The following TBCA variants were observed in gnomAD, a reference collection of about 807,000 sequenced individuals.
TBCA encodes the protein tubulin-specific chaperone A.
Under a neutral mutation model 15.8 loss-of-function variants are expected in TBCA, and 6 were observed. The observed-to-expected ratio is 0.38, with a 90% confidence interval of 0.21 to 0.75. TBCA has a LOEUF of 0.75. TBCA is among the 30% of genes least tolerant of loss of function. The pLI, the probability that TBCA is intolerant of heterozygous loss-of-function variation, is 0.46. For synonymous variants in TBCA, 32 were observed against 42.3 expected, an observed-to-expected ratio of 0.76 and a Z score of 0.94; for missense variants, 90 against 131.2, an observed-to-expected ratio of 0.69 and a Z score of 1.53.
At chr5:77,692,442 A>G (rs1173844868) in intron 3 of TBCA, 1 of 949,016 alleles carries the variant, frequency 1.1e-6, no homozygotes, top group Non-Finnish European at 1.3e-6. Flanking sequence ...ATACATTATT[A>G]TTATTATTAT....
chr5:77,774,495 C>T (rs1363120788), intron 1 of TBCA, among the ~76,000 whole-genome samples: 2 of 152,136 alleles, frequency 1.3e-5, no homozygotes, highest in Non-Finnish European at 2.9e-5. Context: ...TTATTTTAAC[C>T]CAGACACACT....
intron 2 of TBCA, among the ~76,000 whole-genome samples, chr5:77,698,529 C>T (rs1745927148): frequency 6.6e-6 from 1 of 152,162 alleles, no homozygotes; most frequent in African/African-American, 2.4e-5. Context: ...AAAGTTCCTA[C>T]AAAAGAGCTC....
intron 2 of TBCA, among the ~76,000 whole-genome samples, chr5:77,704,098 C>T (rs1746089558): frequency 1.3e-5 from 2 of 152,096 alleles, no homozygotes; most frequent in South Asian, 4.1e-4. Flanking sequence ...GTCAAGTAAA[C>T]CTTTTTTCTT....
intron 1 of TBCA, among the ~76,000 whole-genome samples, chr5:77,751,971 C>G (rs1254452270): frequency 1.3e-5 from 2 of 152,078 alleles, no homozygotes; most frequent in Non-Finnish European, 2.9e-5. Flanking sequence ...GTTTATTGAT[C>G]TGGGTGGTAC....
intron 1 of TBCA, among the ~76,000 whole-genome samples, chr5:77,761,216 A>T (rs1747626937): frequency 6.6e-6 from 1 of 151,940 alleles, no homozygotes; most frequent in East Asian, 1.9e-4. Context: ...TGGGGAAAAG[A>T]AAGAGAGATC....
At chr5:77,756,180 T>C (rs948940784) in intron 1 of TBCA, among the ~76,000 whole-genome samples, 1 of 152,166 alleles carries the variant, frequency 6.6e-6, no homozygotes, top group Non-Finnish European at 1.5e-5. Flanking sequence ...TGGGGAGGAC[T>C]CAACAGTGTG....
At chr5:77,699,015 T>A (rs1330649921) in intron 2 of TBCA, among the ~76,000 whole-genome samples, 1 of 47,068 alleles carries the variant, frequency 2.1e-5, no homozygotes. Flanking sequence ...CTAAAAACAA[T>A]ACCATTTGCA....
chr5:77,741,531 CTT>C (rs1371091529), intron 1 of TBCA, among the ~76,000 whole-genome samples: 1 of 151,868 alleles, frequency 6.6e-6, no homozygotes, highest in Non-Finnish European at 1.5e-5. Flanking sequence ...CCATGGAAGA[CTT>C]CAAGAAAGAA....
At chr5:77,748,001 C>A (rs1407473854) in intron 1 of TBCA, among the ~76,000 whole-genome samples, 1 of 152,112 alleles carries the variant, frequency 6.6e-6, no homozygotes, top group Non-Finnish European at 1.5e-5. Context: ...TAAAGCAATT[C>A]ATATGCAAAG....
chr5:77,703,091 A>G (rs188213329), intron 2 of TBCA, among the ~76,000 whole-genome samples: 1 of 152,354 alleles, frequency 6.6e-6, no homozygotes, highest in Admixed American at 6.5e-5. Flanking sequence ...CTTGTTTCAA[A>G]GAGTAAAAAA....
At position 77,699,033 on chromosome 5, in the gene TBCA, C is replaced by CAAAAAA. The variant is rs71608119; in HGVS notation, c.160-5687_160-5682dup. Reference sequence around the variant, plus strand: ...AAAACAATACCATTTGCAAGAGCATCAAAAAAAAAAAAAAAAAAAAAAAAA... The same window carrying CAAAAAA: ...AAAACAATACCATTTGCAAGAGCATCAAAAAAAAAAAAAAAAAAAAAAAAAAAAAAA... On this transcript the variant is annotated intron_variant, in intron 2 of 3. Coordinates refer to ENST00000380377, the MANE Select transcript of TBCA (RefSeq NM_004607.3). Among the ~76,000 whole-genome samples the CAAAAAA allele has an allele frequency of 1.7e-3, 118 of 70,058 alleles. 3 individuals are homozygous for CAAAAAA. The highest frequency in any genetic ancestry group is 3.3e-3 in the East Asian group (6 of 1,796). The allele number at this position is 70,058 out of a possible 152,430, so 46.0% of individuals were successfully genotyped here.
At chr5:77,746,244 C>T (rs945871046) in intron 1 of TBCA, among the ~76,000 whole-genome samples, 4 of 151,866 alleles carry the variant, frequency 2.6e-5, no homozygotes, top group South Asian at 2.1e-4. Flanking sequence ...GACTGGGCAA[C>T]ATATTGAGGC....
chr5:77,714,575 A>T (rs192366934), intron 1 of TBCA, among the ~76,000 whole-genome samples: 22,335 of 148,762 alleles, frequency 0.15, 2,194 homozygotes, highest in East Asian at 0.33. Flanking sequence ...TATTATTATT[A>T]TTTTTTTTTG....
At chr5:77,741,059 C>T (rs1269292719) in intron 1 of TBCA, among the ~76,000 whole-genome samples, 1 of 152,136 alleles carries the variant, frequency 6.6e-6, no homozygotes. Context: ...TGGGAAAGGA[C>T]AACTGTGTCA....
chr5:77,715,106 C>T (rs929962963), intron 1 of TBCA: 1 of 614,562 alleles, frequency 1.6e-6, no homozygotes, highest in Non-Finnish European at 2.9e-6. Flanking sequence ...GAAGAGGACA[C>T]ATGAGTTAAG....
intron 1 of TBCA, among the ~76,000 whole-genome samples, chr5:77,718,997 T>C (rs142107787): frequency 2.2e-4 from 33 of 152,332 alleles, no homozygotes; most frequent in African/African-American, 4.1e-4. Flanking sequence ...TCACAATAGG[T>C]TGAAATTTTG....
intron 1 of TBCA, among the ~76,000 whole-genome samples, chr5:77,712,428 A>G (rs2652210): frequency 0.56 from 85,483 of 152,002 alleles, 24,233 homozygotes; most frequent in South Asian, 0.66. Flanking sequence ...TTGAATCAAC[A>G]AATTAGTATC....
chr5:77,732,797 A>C (rs1448890308), intron 1 of TBCA, among the ~76,000 whole-genome samples: 1 of 152,196 alleles, frequency 6.6e-6, no homozygotes, highest in Non-Finnish European at 1.5e-5. Flanking sequence ...ATAAGATGGC[A>C]AACTCAATCG....
intron 1 of TBCA, among the ~76,000 whole-genome samples, chr5:77,712,915 T>C (rs1746315585): frequency 1.3e-5 from 2 of 152,220 alleles, no homozygotes; most frequent in South Asian, 4.1e-4. Flanking sequence ...TAAGGGATTA[T>C]GGACCTGTAT....
Sources: allele counts gnomAD v4.1 joint callset (sites outside exome capture counted in the v4.1 genomes callset), GRCh38; gene constraint gnomAD v4.1.1; transcripts MANE v1.5; gene names NCBI Gene and HGNC (gene_info 2026-07-23, HGNC 2026-07-21).